The following AKAP7 variants were observed in gnomAD, a reference collection of about 807,000 sequenced individuals.
AKAP7 encodes the protein A-kinase anchoring protein 7, also known as A kinase (PRKA) anchor protein 7.
In AKAP7, 39 loss-of-function variants were observed where a neutral mutation model predicts 39.5. The observed-to-expected ratio is 0.99, with a 90% CI of 0.76 to 1.29. The LOEUF is 1.29. AKAP7 is among the 50% of genes most tolerant of loss of function. The pLI is 0.00. For missense variants in AKAP7, 414 were observed against 407.7 expected (o/e 1.02, Z -0.13); for synonymous variants, 140 against 139.1 (o/e 1.01, Z -0.05).
intron 5 of AKAP7, among the ~76,000 whole-genome samples, chr6:131,181,430 T>C (rs528863563): frequency 2.1e-4 from 32 of 152,344 alleles, no homozygotes; most frequent in African/African-American, 7.7e-4. Flanking sequence ...TTGCTGTGCC[T>C]CAGTCCAAGC....
chr6:131,145,340 G>A lies in AKAP7; in HGVS notation c.75G>A (p.Glu25=), dbSNP rs1228117939. The part of the protein sequence containing the change: ...ENVSRKKKMS[E]EFEANTMDSL... ...TATCAAGAAAAAAGAAAATGTCAGA[G>A]GAATTTGAAGCCAATACTATGGATT... The change falls in exon 2 of 8, where the codon GAG becomes GAA. Residue 25 remains glutamate, a synonymous_variant. Coordinates refer to ENST00000431975, the MANE Select transcript of AKAP7 (RefSeq NM_016377.4). 3 of 1,567,776 alleles carry A rather than the reference G, an allele frequency of 1.9e-6. No individual in the cohort carries two copies. The highest frequency in any genetic ancestry group is 1.2e-5 in the South Asian group (1 of 83,290).
In AKAP7 at chr6:131,160,194, AAG is replaced by A. The variant is rs1802816071; in HGVS notation, c.290_291del (p.Glu97AspfsTer6). ...TTCCTGTCCATTCCAATCACCAACA[AAG>A]AGGTGCTATTTTTAAAAAGTTATTT... On this transcript the variant is annotated frameshift_variant and splice_region_variant, in exon 3 of 8. Coordinates refer to ENST00000431975, the MANE Select transcript of AKAP7 (RefSeq NM_016377.4). LOFTEE classifies it high-confidence loss of function. The A allele has an allele frequency of 6.3e-7, 1 of 1,596,304 alleles. No homozygotes were observed. Among genetic ancestry groups the A allele is most frequent in the African/African-American group, 1.4e-5 (1 of 73,506 alleles).
intron 7 of AKAP7, among the ~76,000 whole-genome samples, chr6:131,236,205 A>G (rs1378062788): frequency 1.3e-5 from 2 of 152,242 alleles, no homozygotes; most frequent in East Asian, 3.9e-4. Flanking sequence ...GTCAAAGATC[A>G]GATAGTTGTA....
At chr6:131,206,775 G>GTCCA (rs1034445656) in intron 6 of AKAP7, among the ~76,000 whole-genome samples, 71 of 151,642 alleles carry the variant, frequency 4.7e-4, no homozygotes, top group Non-Finnish European at 8.5e-4. Context: ...CTGTCTGTCT[G>GTCCA]TCCATCCATC....
chr6:131,202,056 A>G (rs951934681), intron 6 of AKAP7, among the ~76,000 whole-genome samples: 27 of 152,110 alleles, frequency 1.8e-4, no homozygotes, highest in Admixed American at 1.4e-3. Flanking sequence ...CAAAACCACA[A>G]TGAGATACAT....
intron 5 of AKAP7, among the ~76,000 whole-genome samples, chr6:131,176,494 G>A (rs889676655): frequency 6.6e-6 from 1 of 151,978 alleles, no homozygotes; most frequent in African/African-American, 2.4e-5. Flanking sequence ...TTAAGCTTGC[G>A]AGACTGAGAG....
At chr6:131,151,760 T>G (rs1358653730) in intron 2 of AKAP7, among the ~76,000 whole-genome samples, 2 of 152,138 alleles carry the variant, frequency 1.3e-5, no homozygotes, top group African/African-American at 4.8e-5. Context: ...AAAAATATCC[T>G]ATGAAATATA....
At chr6:131,259,333 G>A (rs1813119100) in intron 7 of AKAP7, among the ~76,000 whole-genome samples, 1 of 152,122 alleles carries the variant, frequency 6.6e-6, no homozygotes, top group African/African-American at 2.4e-5. Flanking sequence ...CTGGCCAGCT[G>A]GAGTGTGACC....
intron 7 of AKAP7, among the ~76,000 whole-genome samples, chr6:131,237,205 TG>T (rs527807734): frequency 1.1e-4 from 16 of 152,154 alleles, no homozygotes; most frequent in Non-Finnish European, 2.2e-4. Context: ...TGCTGGATTA[TG>T]TTTATTGATT....
chr6:131,143,906 C>T (rs1450750035), intron 1 of AKAP7, among the ~76,000 whole-genome samples: 13 of 105,092 alleles, frequency 1.2e-4, no homozygotes, highest in East Asian at 2.8e-3. Flanking sequence ...GAGGACCCTG[C>T]GGCCTTCCGA....
In AKAP7 at chr6:131,237,167, G is replaced by T. The variant is rs184942355; in HGVS notation, c.850+17359G>T. 2.8e-3 allele frequency among the ~76,000 whole-genome samples: 426 copies of T among 152,278 alleles called. 2 individuals carry two copies. The highest frequency in any genetic ancestry group is 9.9e-3 in the African/African-American group (411 of 41,538). On this transcript the variant is annotated intron_variant, in intron 7 of 7. Transcript: ENST00000431975. ...TTTCTGCATCTGTTAAGATAATCAT[G>T]TGGTTTTTGTCGTTGATTCTGTTTA... is the stretch of plus-strand genomic sequence containing the variant.
intron 5 of AKAP7, among the ~76,000 whole-genome samples, chr6:131,172,498 A>G (rs1804168670): frequency 1.3e-5 from 2 of 151,748 alleles, no homozygotes; most frequent in African/African-American, 4.8e-5. Flanking sequence ...ATGGCCAGCT[A>G]ATTTTTTTTT....
At chr6:131,162,655 C>T (rs1174756098) in intron 3 of AKAP7, among the ~76,000 whole-genome samples, 1 of 152,210 alleles carries the variant, frequency 6.6e-6, no homozygotes, top group Non-Finnish European at 1.5e-5. Context: ...GTCTCTCCTT[C>T]AGCCCTTGCT....
rs188131780 is a variant in AKAP7 at position 131,222,297 on chromosome 6, G to A, written c.850+2489G>A. On this transcript the variant is annotated intron_variant, in intron 7 of 7. Coordinates refer to ENST00000431975, the MANE Select transcript of AKAP7 (RefSeq NM_016377.4). The stretch of plus-strand genomic sequence containing the variant: ...TCCCAGTACTTTGGGAGGCCAAGGC[G>A]GGCGGATCATAAGGTCAGGAGATCG... Among the ~76,000 whole-genome samples, 892 of 152,252 alleles carry A rather than the reference G, an allele frequency of 5.9e-3. 12 individuals are homozygous for A. The highest frequency in any genetic ancestry group is 0.021 in the African/African-American group (865 of 41,544).
chr6:131,133,720 G>A (rs368722107), upstream of AKAP7, among the ~76,000 whole-genome samples: 4 of 152,352 alleles, frequency 2.6e-5, no homozygotes, highest in South Asian at 8.3e-4. Context: ...ACAAAAGACA[G>A]ATTAAGACGA....
At chr6:131,142,355 G>C (rs985027964) in intron 1 of AKAP7, among the ~76,000 whole-genome samples, 1 of 152,206 alleles carries the variant, frequency 6.6e-6, no homozygotes, top group Non-Finnish European at 1.5e-5. Flanking sequence ...GTGCAGCCTG[G>C]GGACACTGCT....
At chr6:131,126,971 C>G in the AKAP7 span, among the ~76,000 whole-genome samples, 3 of 152,030 alleles carry the variant, frequency 2.0e-5, no homozygotes, top group African/African-American at 7.2e-5. Context: ...AAAGTATGAC[C>G]TGAGAAAAAG....
intron 7 of AKAP7, among the ~76,000 whole-genome samples, chr6:131,221,629 A>T (rs1809705140): frequency 6.6e-6 from 1 of 152,230 alleles, no homozygotes; most frequent in South Asian, 2.1e-4. Flanking sequence ...TGAGGGGCTA[A>T]TGCAGCTGGT....
chr6:131,197,245 G>A (rs1444776797), intron 5 of AKAP7, among the ~76,000 whole-genome samples: 1 of 152,002 alleles, frequency 6.6e-6, no homozygotes, highest in Non-Finnish European at 1.5e-5. Context: ...GTTGTTTCCA[G>A]TTTGTGCAAC....
Sources: allele counts gnomAD v4.1 joint callset (sites outside exome capture counted in the v4.1 genomes callset), GRCh38; gene constraint gnomAD v4.1.1; transcripts MANE v1.5; gene names NCBI Gene and HGNC (gene_info 2026-07-23, HGNC 2026-07-21).